PKHD1: variants seen among roughly 807,000 people sequenced by gnomAD.
The protein encoded by PKHD1 is PKHD1 ciliary IPT domain containing fibrocystin/polyductin.
A neutral mutation model predicts 412.0 loss-of-function variants in PKHD1; 291 were observed. The observed-to-expected ratio is 0.71, with a 90% CI of 0.64 to 0.78. The LOEUF (loss-of-function observed/expected upper bound fraction) is 0.78. PKHD1 is among the 30% of genes least tolerant of loss of function. The pLI is 0.00. For missense variants in PKHD1, 4,825 were observed against 4,950.7 expected (o/e 0.97, Z 0.76); for synonymous variants, 1,777 against 1,821.5 (o/e 0.98, Z 0.62).
chr6:51,843,520 T>C (rs1770598056), intron 50 of PKHD1, among the ~76,000 whole-genome samples: 1 of 152,220 alleles, frequency 6.6e-6, no homozygotes, highest in African/African-American at 2.4e-5. Flanking sequence ...AGTGGGAAAC[T>C]GGCTCTGTAA....
At chr6:51,807,450 AAAAAAAAAATATAT>A (rs1763954478) in intron 52 of PKHD1, among the ~76,000 whole-genome samples, 1 of 104,020 alleles carries the variant, frequency 9.6e-6, no homozygotes, top group Non-Finnish European at 1.8e-5. Context: ...AAAAAAAAAA[AAAAAAAAAATATAT>A]ATATATATAT....
Position 51,616,825 on chromosome 6 carries a change from A to C in PKHD1, c.*2256T>G, listed in dbSNP as rs1766108121. On this transcript the variant is annotated 3_prime_UTR_variant, in exon 67 of 67. Transcript: ENST00000371117. The stretch of plus-strand genomic sequence containing the variant: ...ATAAGAAGATAATAAAAATTGGAAG[A>C]AGGGTAAAGAAGGGGCAGAAATAAC... 2.5e-6 allele frequency: 1 copy of C among 394,712 alleles called. No homozygotes were observed. Among genetic ancestry groups the C allele is most frequent in the East Asian group, 3.6e-5 (1 of 27,914 alleles). The allele number at this position is 394,712 out of a possible 1,614,324, so 24.5% of individuals were successfully genotyped here. A position where few individuals can be genotyped will look rare whatever the true frequency, so the allele number is the denominator to read the frequency against.
intron 60 of PKHD1, among the ~76,000 whole-genome samples, chr6:51,741,505 A>G (rs1784549120): frequency 6.6e-6 from 1 of 152,134 alleles, no homozygotes; most frequent in African/African-American, 2.4e-5. Context: ...AGCATCCCCC[A>G]AAGTCCTGAC....
Position 52,028,218 on chromosome 6 carries a change from T to A in PKHD1, c.3498A>T (p.Pro1166=). The part of the protein sequence containing the change: ...SAWGLEVALP[P]LPAGLHRISV... ...AAATTCTGTGGAGACCAGCTGGCAG[T>A]GGGGGCAGTGCCACCTCCAGGCCCC... Residue 1166 remains proline (P), a synonymous_variant, in exon 30 of 67, where the codon CCA becomes CCT. Transcript: ENST00000371117. 1.9e-6 allele frequency: 3 copies of A among 1,614,154 alleles called. No homozygotes were observed. Among genetic ancestry groups the A allele is most frequent in the Non-Finnish European group, 2.5e-6 (3 of 1,180,016 alleles).
chr6:51,743,042 C>T (rs977784351), intron 60 of PKHD1, among the ~76,000 whole-genome samples: 1 of 152,060 alleles, frequency 6.6e-6, no homozygotes, highest in Non-Finnish European at 1.5e-5. Context: ...AAGTAAAAGG[C>T]GTGTCACAAG....
intron 37 of PKHD1, among the ~76,000 whole-genome samples, chr6:51,913,045 C>A (rs986854875): frequency 3.3e-5 from 5 of 152,006 alleles, no homozygotes; most frequent in African/African-American, 9.7e-5. Flanking sequence ...ACATAATAGA[C>A]CCTAAGGGTA....
chr6:51,955,188 C>G (rs1371058881), intron 36 of PKHD1, among the ~76,000 whole-genome samples: 2 of 145,916 alleles, frequency 1.4e-5, no homozygotes, highest in Non-Finnish European at 3.1e-5. Flanking sequence ...AACGGTGCCC[C>G]TAAAAAATAT....
intron 43 of PKHD1, among the ~76,000 whole-genome samples, chr6:51,896,365 C>G (rs1345909223): frequency 6.6e-6 from 1 of 151,342 alleles, no homozygotes; most frequent in East Asian, 1.9e-4. Context: ...CCCTGACCCC[C>G]GAGCAGCCTA....
At chr6:51,891,617 C>A (rs528624724) in intron 43 of PKHD1, among the ~76,000 whole-genome samples, 1 of 151,938 alleles carries the variant, frequency 6.6e-6, no homozygotes, top group South Asian at 2.1e-4. Flanking sequence ...CTGAACATGG[C>A]TGATCCACTG....
chr6:51,977,924 T>G (rs552292704), intron 35 of PKHD1, among the ~76,000 whole-genome samples: 1 of 152,212 alleles, frequency 6.6e-6, no homozygotes, highest in Admixed American at 6.5e-5. Flanking sequence ...CTTAAAGAGA[T>G]CTTTCCCAAG....
intron 60 of PKHD1, among the ~76,000 whole-genome samples, chr6:51,708,870 A>G (rs1361812375): frequency 1.3e-5 from 2 of 152,242 alleles, no homozygotes; most frequent in Non-Finnish European, 2.9e-5. Context: ...TTAAACTTCT[A>G]AAAGGATATT....
In PKHD1 at chr6:52,058,586, T is replaced by C. The variant is rs781286941; in HGVS notation, c.1249A>G (p.Ile417Val). 38 of 1,613,966 alleles carry C rather than the reference T, an allele frequency of 2.4e-5. No individual in the cohort carries two copies. The highest frequency in any genetic ancestry group is 2.2e-5 in the Non-Finnish European group (26 of 1,180,022). ...EPRTKVKVAS[I>V]SVGTADWFDS... ...AACCAGTCAGCAGTGCCGACGCTGA[T>C]GGAGGCCACTTTCACCTATGCCCAA... Residue 417 changes from isoleucine (I) to valine (V), a missense_variant, in exon 16 of 67, where the codon ATC becomes GTC. Coordinates refer to ENST00000371117, the MANE Select transcript of PKHD1 (RefSeq NM_138694.4).
intron 37 of PKHD1, among the ~76,000 whole-genome samples, chr6:51,928,687 G>A (rs1471861844): frequency 3.3e-5 from 5 of 152,044 alleles, no homozygotes; most frequent in Admixed American, 3.3e-4. Context: ...CCTTTCTTTG[G>A]TAGTAGAAAA....
intron 52 of PKHD1, among the ~76,000 whole-genome samples, chr6:51,800,691 A>G (rs952523978): frequency 3.9e-5 from 6 of 152,236 alleles, no homozygotes; most frequent in Non-Finnish European, 7.3e-5. Flanking sequence ...GATCCTGGGA[A>G]TAATGATGGG....
At chr6:51,874,145 T>A (rs534511860) in intron 46 of PKHD1, among the ~76,000 whole-genome samples, 15 of 152,276 alleles carry the variant, frequency 9.9e-5, no homozygotes, top group African/African-American at 3.6e-4. Flanking sequence ...ATGAAGCAAC[T>A]CCATCAGCAT....
At chr6:51,662,585 T>C (rs1337127615) in intron 60 of PKHD1, among the ~76,000 whole-genome samples, 1 of 151,828 alleles carries the variant, frequency 6.6e-6, no homozygotes, top group African/African-American at 2.4e-5. Flanking sequence ...ATCAATATGA[T>C]TGCAGAAATC....
At chr6:51,730,444 AT>A (rs1783103478) in intron 60 of PKHD1, among the ~76,000 whole-genome samples, 1 of 152,188 alleles carries the variant, frequency 6.6e-6, no homozygotes, top group Admixed American at 6.5e-5. Context: ...CAACGTTGCT[AT>A]TTGAATGATT....
rs1767600131 is a variant in PKHD1, at chr6:51,628,868, CAT to C, written c.11666-1754_11666-1753del. 4.6e-5 allele frequency among the ~76,000 whole-genome samples: 7 copies of C among 152,226 alleles called. No individual in the cohort carries two copies. In the South Asian group the frequency reaches 1.5e-3, roughly 32 times the overall value. Reference sequence around the variant, plus strand: ...AATGGCACTGGCAAAATAATAGAGACATAGACCAATGGAACAGGTGAGAGAAC... The same window carrying C: ...AATGGCACTGGCAAAATAATAGAGACAGACCAATGGAACAGGTGAGAGAAC... On this transcript the variant is annotated intron_variant, in intron 65 of 66. Coordinates refer to ENST00000371117, the MANE Select transcript of PKHD1 (RefSeq NM_138694.4).
chr6:51,914,524 G>A (rs1027488664), intron 37 of PKHD1, among the ~76,000 whole-genome samples: 9 of 152,080 alleles, frequency 5.9e-5, no homozygotes, highest in African/African-American at 1.2e-4. Context: ...ATAATTATCT[G>A]AGCTAGACCC....
Sources: allele counts gnomAD v4.1 joint callset (sites outside exome capture counted in the v4.1 genomes callset), GRCh38; gene constraint gnomAD v4.1.1; transcripts MANE v1.5; gene names NCBI Gene and HGNC (gene_info 2026-07-23, HGNC 2026-07-21).